Variants in USP34 observed in about 807,000 individuals in gnomAD.
The protein encoded by USP34 is ubiquitin specific peptidase 34.
A neutral mutation model predicts 460.3 loss-of-function variants in USP34; 70 were observed. The observed-to-expected ratio is 0.15, with a 90% confidence interval of 0.13 to 0.19. The LOEUF (loss-of-function observed/expected upper bound fraction) is 0.19, where lower values mean the gene tolerates loss of function less well. Among genes scored for constraint, USP34 ranks in the 10% least tolerant of loss-of-function variants. The probability of loss-of-function intolerance (pLI) is 1.00; values close to 1 mark genes in which losing one functional copy is unlikely to be tolerated. For missense variants in USP34, 3,985 were observed against 4,236.2 expected (o/e 0.94, Z 1.65); for synonymous variants, 1,647 against 1,405.3 (o/e 1.17, Z -3.85).
At position 61,188,973 on chromosome 2, in the gene USP34, T is replaced by C. The variant is rs1558455465; in HGVS notation, c.9970A>G (p.Arg3324Gly). The C allele has an allele frequency of 6.2e-7, 1 of 1,614,248 alleles. No homozygotes were observed. Among genetic ancestry groups the C allele is most frequent in the Non-Finnish European group, 8.5e-7 (1 of 1,180,046 alleles). ...PTLQELLSKC[R>G]TCLQQRNSLQ... Reference sequence around the variant, plus strand: ...GAGTTTCTCTGTTGCAGACAAGTCCTGCATTTGCTTAAAAGCTCTTGCAGA... The same window carrying C: ...GAGTTTCTCTGTTGCAGACAAGTCCCGCATTTGCTTAAAAGCTCTTGCAGA... The change falls in exon 79 of 80, where the codon AGG (arginine) becomes GGG (glycine). Residue 3324 changes from arginine (R) to glycine (G), a missense_variant. By Grantham distance (125) the Arg-to-Gly change is moderately radical. Around this residue, in one of 14 missense-constraint regions of USP34, gnomAD observed 506 missense variants for 439.0 expected, o/e 1.15. Transcript: ENST00000398571.
intron 48 of USP34, among the ~76,000 whole-genome samples, chr2:61,255,784 G>C (rs1333045524): frequency 6.6e-6 from 1 of 152,194 alleles, no homozygotes; most frequent in African/African-American, 2.4e-5. Context: ...CTGTGTTGCA[G>C]ACACTACCCA....
chr2:61,260,295 C>T (rs1688840282), intron 43 of USP34, among the ~76,000 whole-genome samples: 1 of 152,190 alleles, frequency 6.6e-6, no homozygotes, highest in African/African-American at 2.4e-5. Context: ...AGGAATCTGG[C>T]TAGACTCACA....
At chr2:61,355,827 T>A (rs900398962) in intron 10 of USP34, among the ~76,000 whole-genome samples, 18 of 152,204 alleles carry the variant, frequency 1.2e-4, no homozygotes. Flanking sequence ...GAATTGGTAT[T>A]TTTTTAAAAC....
chr2:61,374,401 T>C (rs541807440), intron 8 of USP34, among the ~76,000 whole-genome samples: 1 of 152,144 alleles, frequency 6.6e-6, no homozygotes, highest in African/African-American at 2.4e-5. Flanking sequence ...ACTCATCCAT[T>C]TGCTGCATTT....
intron 16 of USP34, among the ~76,000 whole-genome samples, chr2:61,341,093 G>C (rs1417722407): frequency 6.6e-6 from 1 of 152,040 alleles, no homozygotes; most frequent in Non-Finnish European, 1.5e-5. Flanking sequence ...TACACAGTAT[G>C]TACTTTCTTC....
At chr2:61,460,642 A>G (rs1170775577) in intron 1 of USP34, among the ~76,000 whole-genome samples, 1 of 93,390 alleles carries the variant, frequency 1.1e-5, no homozygotes, top group African/African-American at 3.7e-5. Context: ...GGAATACTGT[A>G]TACCCTTTTT....
chr2:61,285,036 C>G (rs541584956), intron 34 of USP34, 79 bp from the exon 35 acceptor site: 2 of 1,132,324 alleles, frequency 1.8e-6, no homozygotes, highest in East Asian at 5.1e-5. Flanking sequence ...GATTTAGTTA[C>G]TAAAGAGATG....
intron 33 of USP34, among the ~76,000 whole-genome samples, chr2:61,289,322 G>A (rs1201279371): frequency 6.6e-6 from 1 of 152,018 alleles, no homozygotes. Context: ...ACGGACCAAA[G>A]CAATTGCTAG....
At chr2:61,292,824 T>C (rs1002933207) in intron 33 of USP34, among the ~76,000 whole-genome samples, 5 of 152,172 alleles carry the variant, frequency 3.3e-5, no homozygotes, top group Non-Finnish European at 1.5e-5. Context: ...AAATATTCTA[T>C]AAGCAATTTT....
At chr2:61,401,486 T>C (rs893892226) in intron 3 of USP34, among the ~76,000 whole-genome samples, 4 of 151,392 alleles carry the variant, frequency 2.6e-5, no homozygotes, top group Non-Finnish European at 5.9e-5. Flanking sequence ...GGTCCTCTTG[T>C]CTTGGCTTCC....
intron 1 of USP34, among the ~76,000 whole-genome samples, chr2:61,435,307 C>CAAAAAAAAAA (rs59158283): frequency 1.5e-4 from 6 of 40,948 alleles, no homozygotes; most frequent in East Asian, 7.5e-4. Flanking sequence ...GACCTTGTTT[C>CAAAAAAAAAA]AAAAAAAAAA....
At chr2:61,437,042 C>A (rs541996699) in intron 1 of USP34, among the ~76,000 whole-genome samples, 1 of 152,120 alleles carries the variant, frequency 6.6e-6, no homozygotes. Context: ...ACAGCAAAAG[C>A]GGTGCACTGC....
intron 10 of USP34, among the ~76,000 whole-genome samples, chr2:61,359,605 A>T (rs893946754): frequency 6.6e-6 from 1 of 152,128 alleles, no homozygotes; most frequent in African/African-American, 2.4e-5. Context: ...TCAAAATTAA[A>T]AACTTTTGTG....
chr2:61,439,957 G>A (rs1350307967), intron 1 of USP34, among the ~76,000 whole-genome samples: 2 of 152,158 alleles, frequency 1.3e-5, no homozygotes, highest in African/African-American at 4.8e-5. Flanking sequence ...GATGTGGGAG[G>A]ACAGGGGCAT....
chr2:61,189,026 T>G lies in USP34; in HGVS notation c.9917A>C (p.Lys3306Thr). The change falls in exon 79 of 80, where the codon AAA becomes ACA. Residue 3306 changes from lysine (K) to threonine (T), a missense_variant. By Grantham distance (78) the Lys-to-Thr change is moderately conservative. Coordinates refer to ENST00000398571, the MANE Select transcript of USP34 (RefSeq NM_014709.4). ...LALLLSVHTP[K>T]QLNPALIPTL... ...TGGAATTAGAGCTGGGTTTAACTGT[T>G]TGGGAGTGTGTACTGACAGGAGCAA... 6.2e-7 allele frequency: 1 copy of G among 1,614,224 alleles called. No homozygotes were observed. Among genetic ancestry groups the G allele is most frequent in the Non-Finnish European group, 8.5e-7 (1 of 1,180,044 alleles).
intron 41 of USP34, among the ~76,000 whole-genome samples, chr2:61,269,834 C>T (rs900645824): frequency 1.3e-5 from 2 of 151,900 alleles, no homozygotes; most frequent in African/African-American, 2.4e-5. Flanking sequence ...TATATTTTGA[C>T]ACATAAATAC....
At chr2:61,223,480 A>G in intron 62 of USP34, 184 bp from the exon 63 acceptor site, 1 of 598,040 alleles carries the variant, frequency 1.7e-6, no homozygotes, top group Non-Finnish European at 2.9e-6. Context: ...ACATTCCAGG[A>G]TTGGTAAATG....
Position 61,246,437 on chromosome 2 carries a change from G to C in USP34, c.6435C>G (p.Ser2145Arg). The change falls in exon 50 of 80, where the codon AGC becomes AGG. Residue 2145 changes from serine (S) to arginine (R), a missense_variant. Coordinates refer to ENST00000398571, the MANE Select transcript of USP34 (RefSeq NM_014709.4). ...TCACTCCTATCAAGTCATATTCATAGCTCTCTGAGTCTTTTGAATGATCAC... is the reference window on the plus strand; with the variant it reads ...TCACTCCTATCAAGTCATATTCATACCTCTCTGAGTCTTTTGAATGATCAC... ...EVSDHSKDSE[S>R]YEYDLIGVTV... 6.2e-7 allele frequency: 1 copy of C among 1,603,078 alleles called. No homozygotes were observed. The highest frequency in any genetic ancestry group is 1.3e-5 in the African/African-American group (1 of 74,762).
intron 18 of USP34, among the ~76,000 whole-genome samples, chr2:61,334,224 G>A (rs1015216522): frequency 3.3e-5 from 5 of 152,062 alleles, no homozygotes; most frequent in Admixed American, 3.3e-4. Context: ...AAAAGCAAGT[G>A]AAGAGCATTT....
Sources: allele counts gnomAD v4.1 joint callset (sites outside exome capture counted in the v4.1 genomes callset), GRCh38; gene constraint gnomAD v4.1.1; regional missense constraint gnomAD v4.1.1; transcripts MANE v1.5; gene names NCBI Gene and HGNC (gene_info 2026-07-23, HGNC 2026-07-21).